The following NTNG2 variants were observed in gnomAD, a reference collection of about 807,000 sequenced individuals.
NTNG2 encodes the protein netrin-G2.
Under a neutral mutation model 47.6 loss-of-function variants are expected in NTNG2, and 15 were observed. The observed-to-expected ratio is 0.32, with a 90% CI of 0.21 to 0.49. NTNG2 has a LOEUF of 0.49. Among genes scored for constraint, NTNG2 ranks in the 20% least tolerant of loss-of-function variants. The probability of loss-of-function intolerance (pLI) is 0.99; values close to 1 mark genes in which losing one functional copy is unlikely to be tolerated. For synonymous variants in NTNG2, 307 were observed against 324.6 expected, an observed-to-expected ratio of 0.95 and a Z score of 0.58; for missense variants, 578 against 764.6, an observed-to-expected ratio of 0.76 and a Z score of 2.88.
chr9:132,223,055 A>G (rs1215525943), intron 3 of NTNG2, among the ~76,000 whole-genome samples: 2 of 152,234 alleles, frequency 1.3e-5, no homozygotes, highest in African/African-American at 4.8e-5. Flanking sequence ...CAGAAGTTGC[A>G]GTGAGCCGAG....
chr9:132,170,205 T>C (rs1192983087), intron 2 of NTNG2, among the ~76,000 whole-genome samples: 3 of 152,250 alleles, frequency 2.0e-5, no homozygotes, highest in East Asian at 1.9e-4. Context: ...CCAGGCTTCC[T>C]GTCCTTCAGC....
intron 2 of NTNG2, among the ~76,000 whole-genome samples, chr9:132,193,053 G>A (rs1403787136): frequency 6.6e-6 from 1 of 152,230 alleles, no homozygotes. Context: ...GGGGCTTTGA[G>A]GGATACCCTG....
chr9:132,166,784 T>A lies in NTNG2; in HGVS notation c.-48T>A, dbSNP rs1463642003. ...CGCGAGTCCCGCCTGACCCCGTCGCTGCCTCTCCAGGGCTTCTCTGGGCCG... is the reference window on the plus strand; with the variant it reads ...CGCGAGTCCCGCCTGACCCCGTCGCAGCCTCTCCAGGGCTTCTCTGGGCCG... On this transcript the variant is annotated 5_prime_UTR_variant, in exon 2 of 8. Transcript: ENST00000393229. The A allele has an allele frequency of 1.9e-6, 3 of 1,583,920 alleles. No individual in the cohort carries two copies. Among genetic ancestry groups the A allele is most frequent in the Non-Finnish European group, 1.7e-6 (2 of 1,156,142 alleles).
intron 2 of NTNG2, among the ~76,000 whole-genome samples, chr9:132,177,795 T>A (rs1836586475): frequency 6.6e-6 from 1 of 152,128 alleles, no homozygotes; most frequent in Admixed American, 6.6e-5. Flanking sequence ...GCAGCTGGGA[T>A]TACAGGCACT....
chr9:132,242,388 T>A lies in NTNG2; in HGVS notation c.*277T>A. The A allele has an allele frequency of 2.1e-5, 3 of 140,360 alleles. No individual in the cohort carries two copies. The highest frequency in any genetic ancestry group is 7.6e-5 in the Admixed American group (1 of 13,224). The allele number at this position is 140,360 out of a possible 1,614,324, so 8.7% of individuals were successfully genotyped here. On this transcript the variant is annotated 3_prime_UTR_variant, in exon 8 of 8. Coordinates refer to ENST00000393229, the MANE Select transcript of NTNG2 (RefSeq NM_032536.4). The surrounding 1 kb of genome is among the most constrained non-coding windows in gnomAD (Gnocchi z 5.9). ...TTCCTTTTTTGTCTTTCTCTCTCTC[T>A]CTTTTTTTTTTTTTTTTTCTGGCGG...
At chr9:132,240,270 G>A (rs4024040) in intron 6 of NTNG2, among the ~76,000 whole-genome samples, 31,849 of 152,266 alleles carry the variant, frequency 0.21, 3,700 homozygotes, top group Admixed American at 0.34. Context: ...GTCACAGGGG[G>A]CCAGCTGCAG....
chr9:132,238,978 G>C (rs2274853), intron 5 of NTNG2, 126 bp from the exon 6 acceptor site: 2 of 982,296 alleles, frequency 2.0e-6, no homozygotes, highest in Non-Finnish European at 3.2e-6. Context: ...GGCACCTTCC[G>C]GTACCTTTTC....
At chr9:132,181,999 T>A (rs550937352) in intron 2 of NTNG2, among the ~76,000 whole-genome samples, 1 of 152,302 alleles carries the variant, frequency 6.6e-6, no homozygotes, top group South Asian at 2.1e-4. Flanking sequence ...TGTGTGCTGG[T>A]GAGCATACTG....
At chr9:132,185,454 G>T (rs991722905) in intron 2 of NTNG2, among the ~76,000 whole-genome samples, 3 of 152,180 alleles carry the variant, frequency 2.0e-5, no homozygotes, top group African/African-American at 7.2e-5. Context: ...CTCCCTCCGT[G>T]ATAAAATATT....
At chr9:132,178,682 G>A (rs568710755) in intron 2 of NTNG2, among the ~76,000 whole-genome samples, 1 of 151,382 alleles carries the variant, frequency 6.6e-6, no homozygotes, top group South Asian at 2.1e-4. Context: ...GCTCACACCT[G>A]TAAATCCTAG....
intron 3 of NTNG2, among the ~76,000 whole-genome samples, chr9:132,203,218 T>C (rs1262018610): frequency 1.3e-5 from 2 of 152,148 alleles, no homozygotes; most frequent in Non-Finnish European, 2.9e-5. Flanking sequence ...TGTGCGCCTG[T>C]AGTCCTAGCT....
At chr9:132,170,072 G>A (rs1835792717) in intron 2 of NTNG2, among the ~76,000 whole-genome samples, 1 of 152,148 alleles carries the variant, frequency 6.6e-6, no homozygotes, top group Non-Finnish European at 1.5e-5. Context: ...TTCAGTGGCA[G>A]GTGCTACGTG....
In NTNG2 at chr9:132,163,697, G is replaced by T. The variant is rs1338976181; in HGVS notation, c.-484+1458G>T. ...CCCCAGGGGCCCCGCGCCCGCCGCG[G>T]CAAGTTTCCCACACGGCGAGGGCGC... On this transcript the variant is annotated intron_variant, in intron 1 of 7. Coordinates refer to ENST00000393229, the MANE Select transcript of NTNG2 (RefSeq NM_032536.4). This position sits in a 1 kb window ranked among gnomAD's most constrained non-coding sequence, Gnocchi z 7.2. Among the ~76,000 whole-genome samples the T allele has an allele frequency of 2.0e-5, 3 of 152,234 alleles. No individual in the cohort carries two copies. The highest frequency in any genetic ancestry group is 2.0e-4 in the Admixed American group (3 of 15,288).
At chr9:132,181,774 A>G (rs1836960753) in intron 2 of NTNG2, among the ~76,000 whole-genome samples, 1 of 152,248 alleles carries the variant, frequency 6.6e-6, no homozygotes, top group South Asian at 2.1e-4. Context: ...CGTTTTGAAT[A>G]TGAGGAATCT....
intron 2 of NTNG2, among the ~76,000 whole-genome samples, chr9:132,181,283 A>G (rs1836913492): frequency 1.4e-5 from 2 of 142,260 alleles, no homozygotes; most frequent in Non-Finnish European, 3.0e-5. Flanking sequence ...GGGTTTTGCC[A>G]TGTTGCCCAG....
chr9:132,230,446 G>T, intron 4 of NTNG2, 126 bp from the exon 5 acceptor site: 2 of 780,772 alleles, frequency 2.6e-6, no homozygotes, highest in East Asian at 5.4e-5. Context: ...TTGTGTGGTG[G>T]AGCAGGTGCT....
chr9:132,163,395 G>A lies in NTNG2; in HGVS notation c.-484+1156G>A, dbSNP rs1291876426. ...GCGGGGACCCAGGGGCCGGATAAAG[G>A]GCCCGCTCCGGAGCGGGGGGACACC... On this transcript the variant is annotated intron_variant, in intron 1 of 7. Coordinates refer to ENST00000393229, the MANE Select transcript of NTNG2 (RefSeq NM_032536.4). This position sits in a 1 kb window ranked among gnomAD's most constrained non-coding sequence, Gnocchi z 7.2. Among the ~76,000 whole-genome samples, 2 of 151,234 alleles carry A rather than the reference G, an allele frequency of 1.3e-5. No homozygotes were observed. The highest frequency in any genetic ancestry group is 3.0e-5 in the Non-Finnish European group (2 of 67,652).
chr9:132,218,622 G>C lies in NTNG2; in HGVS notation c.858-8227G>C, dbSNP rs1197212836. Among the ~76,000 whole-genome samples the C allele has an allele frequency of 2.0e-5, 3 of 151,944 alleles. No homozygotes were observed. The highest frequency in any genetic ancestry group is 6.6e-5 in the Admixed American group (1 of 15,256). On this transcript the variant is annotated intron_variant, in intron 3 of 7. Coordinates refer to ENST00000393229, the MANE Select transcript of NTNG2 (RefSeq NM_032536.4). The surrounding 1 kb of genome is among the most constrained non-coding windows in gnomAD (Gnocchi z 5.4). Reference sequence around the variant, plus strand: ...AGCGATCCTCCTGCCTCAGCCTCCCGAGTAGCTGGGATTACAGGCGCATGC... The same window carrying C: ...AGCGATCCTCCTGCCTCAGCCTCCCCAGTAGCTGGGATTACAGGCGCATGC...
chr9:132,208,317 AAAG>A lies in NTNG2; in HGVS notation c.857+9713_857+9715del, dbSNP rs1034772320. 2.0e-4 allele frequency among the ~76,000 whole-genome samples: 31 copies of A among 152,228 alleles called. No individual in the cohort carries two copies. The highest frequency in any genetic ancestry group is 2.9e-4 in the Non-Finnish European group (20 of 68,004). On this transcript the variant is annotated intron_variant, in intron 3 of 7. Coordinates refer to ENST00000393229, the MANE Select transcript of NTNG2 (RefSeq NM_032536.4). This position sits in a 1 kb window ranked among gnomAD's most constrained non-coding sequence, Gnocchi z 4.0. ...GGCTGTGGTGGGTGAGTAAGATTCC[AAAG>A]AAGAGCAGGCAGGGCCAGATCACGC...
Sources: gnomAD v4.1 joint callset for allele counts (sites outside exome capture counted in the v4.1 genomes callset) on GRCh38, gnomAD v4.1.1 for gene constraint, Gnocchi (gnomAD v3.1) non-coding constraint, MANE v1.5 for transcripts, NCBI Gene and HGNC (gene_info 2026-07-23, HGNC 2026-07-21) for gene names.